The following CDKL3 variants were observed in gnomAD, a reference collection of about 807,000 sequenced individuals.
The protein encoded by CDKL3 is cyclin dependent kinase like 3.
CDKL3 carries 65 observed loss-of-function variants against 69.3 expected under a neutral mutation model. The ratio of observed to expected loss-of-function variants is 0.94; its 90% confidence interval spans 0.77 to 1.15. CDKL3 has a LOEUF of 1.15. CDKL3 is among the 50% of genes most tolerant of loss of function. The pLI is 0.00. For synonymous variants in CDKL3, 202 were observed against 221.6 expected, an observed-to-expected ratio of 0.91 and a Z score of 0.79; for missense variants, 652 against 689.2, an observed-to-expected ratio of 0.95 and a Z score of 0.61.
intron 4 of CDKL3, among the ~76,000 whole-genome samples, chr5:134,326,082 T>C (rs1482426488): frequency 2.6e-5 from 4 of 152,072 alleles, no homozygotes; most frequent in Non-Finnish European, 5.9e-5. Flanking sequence ...CAAAGGTAAT[T>C]ATTTTTAAGT....
Position 134,303,227 on chromosome 5 carries a change from G to T in CDKL3, c.1622-540C>A, listed in dbSNP as rs111574402. ...CTGCCTCAGCCTCCCAAGTAGCCGG[G>T]ATTACAGGCATGAGCCACCATGCCT... On this transcript the variant is annotated intron_variant, in intron 11 of 12. Coordinates refer to ENST00000265334, the MANE Select transcript of CDKL3 (RefSeq NM_001113575.2). Among the ~76,000 whole-genome samples the T allele has an allele frequency of 9.8e-3, 1,495 of 152,116 alleles. 14 individuals carry two copies. Among genetic ancestry groups the T allele is most frequent in the African/African-American group, 0.032 (1,329 of 41,506 alleles).
chr5:134,316,596 CA>C lies in CDKL3; in HGVS notation c.792+2761del, dbSNP rs202136942. Reference sequence around the variant, plus strand: ...TGGGTGACAGAGCGAGACTCCATCTCAAAAAAAAAAAAAAATTTTATTGTCA... The same window carrying C: ...TGGGTGACAGAGCGAGACTCCATCTCAAAAAAAAAAAAAATTTTATTGTCA... On this transcript the variant is annotated intron_variant, in intron 6 of 12. Coordinates refer to ENST00000265334, the MANE Select transcript of CDKL3 (RefSeq NM_001113575.2). Among the ~76,000 whole-genome samples the C allele has an allele frequency of 1.6e-3, 199 of 121,722 alleles. 1 individual carries two copies. The highest frequency in any genetic ancestry group is 7.3e-3 in the East Asian group (31 of 4,234). The allele number at this position is 121,722 out of a possible 152,430, so 79.9% of individuals were successfully genotyped here.
intron 4 of CDKL3, among the ~76,000 whole-genome samples, chr5:134,329,838 T>G (rs975740571): frequency 6.6e-6 from 1 of 151,794 alleles, no homozygotes; most frequent in Non-Finnish European, 1.5e-5. Flanking sequence ...AAGATAAAAA[T>G]TAAAATATAA....
intron 9 of CDKL3, 39 bp from the exon 10 acceptor site, chr5:134,306,741 C>T: frequency 1.2e-6 from 1 of 864,458 alleles, no homozygotes; most frequent in Non-Finnish European, 1.8e-6. Context: ...CTAAAACTCC[C>T]CAGAAATGCT....
intron 4 of CDKL3, among the ~76,000 whole-genome samples, chr5:134,347,150 T>C (rs1329255393): frequency 1.3e-5 from 2 of 151,926 alleles, no homozygotes; most frequent in African/African-American, 4.8e-5. Flanking sequence ...CTCTATACTA[T>C]CTTTGTAACT....
At chr5:134,356,589 G>A (rs1024508784) in intron 3 of CDKL3, among the ~76,000 whole-genome samples, 9 of 152,090 alleles carry the variant, frequency 5.9e-5, no homozygotes, top group Non-Finnish European at 1.3e-4. Context: ...AAGTTAGTCA[G>A]CCTGGCTAAC....
chr5:134,329,663 G>A (rs1417849930), intron 4 of CDKL3, among the ~76,000 whole-genome samples: 1 of 151,676 alleles, frequency 6.6e-6, no homozygotes, highest in Non-Finnish European at 1.5e-5. Context: ...TAGAGAGGGG[G>A]TTTCACCATG....
intron 4 of CDKL3, among the ~76,000 whole-genome samples, chr5:134,336,780 G>A (rs1344012360): frequency 6.6e-6 from 1 of 152,204 alleles, no homozygotes; most frequent in Non-Finnish European, 1.5e-5. Context: ...GGCTACATGG[G>A]GGTCAGGGAC....
chr5:134,342,862 A>G (rs1484272264), intron 4 of CDKL3, among the ~76,000 whole-genome samples: 2 of 152,114 alleles, frequency 1.3e-5, no homozygotes, highest in African/African-American at 4.8e-5. Context: ...ATAAAGTAGA[A>G]AGACTCACAC....
downstream of CDKL3, among the ~76,000 whole-genome samples, chr5:134,285,235 A>T (rs1764812673): frequency 6.6e-6 from 1 of 152,048 alleles, no homozygotes; most frequent in Non-Finnish European, 1.5e-5. Flanking sequence ...GGGGGCTCCA[A>T]CCCCACATTT....
Position 134,302,672 on chromosome 5 carries a change from AT to A in CDKL3, c.1636del (p.Met546CysfsTer2). The A allele has an allele frequency of 6.3e-7, 1 of 1,589,704 alleles. No homozygotes were observed. The highest frequency in any genetic ancestry group is 8.6e-7 in the Non-Finnish European group (1 of 1,164,918). ...TKGMEVKQIK[M>X]LKRESKKTES... ...TGTTTTCTTTGACTCCCTCTTCAGC[AT>A]TTTTATCTGTTTAACTTTTGCAAAA... is the stretch of plus-strand genomic sequence containing the variant. On this transcript the variant is annotated frameshift_variant, in exon 12 of 13. Transcript: ENST00000265334. LOFTEE classifies it high-confidence loss of function.
intron 10 of CDKL3, among the ~76,000 whole-genome samples, chr5:134,304,835 T>TAATAA (rs1561506405): frequency 1.4e-3 from 181 of 125,258 alleles, no homozygotes; most frequent in African/African-American, 5.0e-3. Flanking sequence ...AATAATAATA[T>TAATAA]TATTATTATT....
chr5:134,352,649 A>G (rs1046717708), intron 3 of CDKL3, among the ~76,000 whole-genome samples: 2 of 152,014 alleles, frequency 1.3e-5, no homozygotes, highest in African/African-American at 4.8e-5. Flanking sequence ...TGGTTTTGCC[A>G]TGTTGCCTGG....
chr5:134,370,091 A>C (rs1189213957), upstream of CDKL3, among the ~76,000 whole-genome samples: 1 of 152,226 alleles, frequency 6.6e-6, no homozygotes, highest in Non-Finnish European at 1.5e-5. Flanking sequence ...TCAGGGTTTG[A>C]AGAAAGAGGT....
Position 134,366,412 on chromosome 5 carries a change from T to G in CDKL3, c.112A>C (p.Arg38=), listed in dbSNP as rs748006526. 2.5e-5 allele frequency: 40 copies of G among 1,600,542 alleles called. No individual in the cohort carries two copies. The highest frequency in any genetic ancestry group is 3.3e-5 in the Non-Finnish European group (39 of 1,173,746). The change falls in exon 2 of 13, where the codon AGA becomes CGA. Residue 38 remains arginine (R), a synonymous_variant. Coordinates refer to ENST00000265334, the MANE Select transcript of CDKL3 (RefSeq NM_001113575.2). The part of the protein sequence containing the change: ...QIVAIKIFYE[R]PEQSVNKIAM... ...ATTTTGTTGACAGATTGTTCTGGTC[T>G]CTCATAAAATATCTTAATGGCCACT...
chr5:134,296,238 C>G (rs942954646), downstream of CDKL3, among the ~76,000 whole-genome samples: 7 of 152,138 alleles, frequency 4.6e-5, no homozygotes, highest in African/African-American at 1.7e-4. Flanking sequence ...ATCCAAAAGA[C>G]CACCAAGATG....
intron 2 of CDKL3, 83 bp downstream of exon 2, chr5:134,366,276 G>A: frequency 1.1e-6 from 1 of 945,776 alleles, no homozygotes; most frequent in Non-Finnish European, 1.5e-6. Context: ...ATCAGTACGT[G>A]TGAACTAAAA....
upstream of CDKL3, chr5:134,371,521 G>GC (rs1758408585): frequency 5.8e-6 from 9 of 1,557,848 alleles, no homozygotes; most frequent in East Asian, 2.1e-4. Flanking sequence ...CAGTGATTCG[G>GC]CCGCCGCGCC....
At chr5:134,367,346 T>C (rs528756986), upstream of CDKL3, 44 of 977,004 alleles carry the variant, frequency 4.5e-5, no homozygotes, top group Middle Eastern at 2.6e-3. Flanking sequence ...TGCTTTTGAA[T>C]GTGGATAGGA....
Sources: gnomAD v4.1 joint callset for allele counts (sites outside exome capture counted in the v4.1 genomes callset) on GRCh38, gnomAD v4.1.1 for gene constraint, MANE v1.5 for transcripts, NCBI Gene and HGNC (gene_info 2026-07-23, HGNC 2026-07-21) for gene names.